The following MGAT4C variants were observed in gnomAD, a reference collection of about 807,000 sequenced individuals.
MGAT4C encodes MGAT4 family member C.
Under a neutral mutation model 40.1 loss-of-function variants are expected in MGAT4C, and 19 were observed. The observed-to-expected ratio is 0.47, with a 90% CI of 0.33 to 0.70. MGAT4C has a LOEUF of 0.70. Among genes scored for constraint, MGAT4C ranks in the 30% least tolerant of loss-of-function variants. MGAT4C has a pLI of 0.02. For missense variants in MGAT4C, 491 were observed against 563.2 expected, an observed-to-expected ratio of 0.87 and a Z score of 1.30; for synonymous variants, 181 against 187.1, an observed-to-expected ratio of 0.97 and a Z score of 0.27.
intron 2 of MGAT4C, among the ~76,000 whole-genome samples, chr12:86,591,779 C>T (rs1214600747): frequency 6.6e-6 from 1 of 151,510 alleles, no homozygotes; most frequent in Non-Finnish European, 1.5e-5. Flanking sequence ...TATATAAAAG[C>T]ATTAATTATT....
intron 4 of MGAT4C, among the ~76,000 whole-genome samples, chr12:86,289,607 T>C (rs577127696): frequency 9.8e-5 from 15 of 152,290 alleles, no homozygotes; most frequent in African/African-American, 3.4e-4. Context: ...ATTCTCCTTG[T>C]AGAGATCATT....
intron 2 of MGAT4C, among the ~76,000 whole-genome samples, chr12:86,659,367 G>C (rs1963926351): frequency 6.6e-6 from 1 of 152,026 alleles, no homozygotes; most frequent in Non-Finnish European, 1.5e-5. Context: ...AGAGATACAA[G>C]CTGCTGAATT....
intron 3 of MGAT4C, among the ~76,000 whole-genome samples, chr12:86,392,982 C>T (rs1407102539): frequency 6.6e-6 from 1 of 152,054 alleles, no homozygotes; most frequent in Non-Finnish European, 1.5e-5. Context: ...ACTAAGAAAA[C>T]AATTTGCATC....
intron 3 of MGAT4C, among the ~76,000 whole-genome samples, chr12:86,339,678 T>C (rs1250567349): frequency 6.7e-6 from 1 of 150,356 alleles, no homozygotes; most frequent in African/African-American, 2.4e-5. Context: ...TTCAAACTAT[T>C]TATCTTAGCC....
intron 1 of MGAT4C, among the ~76,000 whole-genome samples, chr12:86,165,830 CG>C (rs1593121611): frequency 6.6e-6 from 1 of 151,928 alleles, no homozygotes; most frequent in Non-Finnish European, 1.5e-5. Flanking sequence ...ATTAATAAAA[CG>C]GGTAGCTTCA....
intron 2 of MGAT4C, among the ~76,000 whole-genome samples, chr12:86,494,575 G>T (rs1958203832): frequency 6.6e-6 from 1 of 151,162 alleles, no homozygotes; most frequent in African/African-American, 2.4e-5. Context: ...ATGATAGAAA[G>T]CATTGTATAA....
In MGAT4C at chr12:86,003,937, A is replaced by G. The variant is rs1887609817; in HGVS notation, c.-6-14385T>C. 2.6e-5 allele frequency among the ~76,000 whole-genome samples: 4 copies of G among 152,084 alleles called. No individual in the cohort carries two copies. The South Asian group carries it at 8.3e-4, about 31-fold the overall frequency. ...TTGTGTCTTATCAAGACAGTTTTCT[A>G]TGTTTATGTTAACCTTTACCATTGG... On this transcript the variant is annotated intron_variant, in intron 2 of 4. Transcript: ENST00000611864.
chr12:86,448,933 C>T (rs1957381291), intron 2 of MGAT4C, among the ~76,000 whole-genome samples: 1 of 152,082 alleles, frequency 6.6e-6, no homozygotes, highest in Non-Finnish European at 1.5e-5. Flanking sequence ...ACTCAAATAG[C>T]TAGGCTTCAG....
rs370542505 is a variant in MGAT4C, at chr12:86,438,737, C to T, written c.-228-3472G>A. ...TGCTGTCTTCAAGACACACACCTAACCATGTAAGGATTCCTATAGACTCAA... is the reference window on the plus strand; with the variant it reads ...TGCTGTCTTCAAGACACACACCTAATCATGTAAGGATTCCTATAGACTCAA... On this transcript the variant is annotated intron_variant, in intron 2 of 7. Transcript: ENST00000548651. Among the ~76,000 whole-genome samples the T allele has an allele frequency of 8.6e-5, 13 of 151,738 alleles. No homozygotes were observed. The East Asian group carries it at 2.3e-3, about 27-fold the overall frequency.
At chr12:86,534,119 C>G (rs1253159351) in intron 2 of MGAT4C, among the ~76,000 whole-genome samples, 1 of 152,032 alleles carries the variant, frequency 6.6e-6, no homozygotes, top group Non-Finnish European at 1.5e-5. Flanking sequence ...CTTTCAGGTC[C>G]ATTCCTGATC....
chr12:86,773,428 A>G (rs1009265559), intron 1 of MGAT4C, among the ~76,000 whole-genome samples: 2 of 152,158 alleles, frequency 1.3e-5, no homozygotes, highest in African/African-American at 4.8e-5. Flanking sequence ...CAAAAATGTG[A>G]GAAAATAAAT....
Position 86,322,231 on chromosome 12 carries a change from G to A in MGAT4C, c.-57+11834C>T, listed in dbSNP as rs556202304. ...CACACTGGGGCCTGTCGTGGGGTGG[G>A]GGGAGGGGGGAGGGAGAGCATTAGG... On this transcript the variant is annotated intron_variant, in intron 4 of 7. Coordinates refer to the MGAT4C transcript ENST00000548651. Among the ~76,000 whole-genome samples the A allele has an allele frequency of 2.6e-5, 3 of 115,054 alleles. No individual in the cohort carries two copies. In the South Asian group the frequency reaches 1.1e-3, roughly 43 times the overall value. 75.5% of individuals were successfully genotyped at this position (115,054 alleles called of 152,430 possible). A position where few individuals can be genotyped will look rare whatever the true frequency, so the allele number is the denominator to read the frequency against.
At chr12:86,791,781 T>A (rs1415254587) in intron 1 of MGAT4C, among the ~76,000 whole-genome samples, 1 of 152,108 alleles carries the variant, frequency 6.6e-6, no homozygotes. Flanking sequence ...TTTTACAGAG[T>A]GCTCTGAGGA....
intron 1 of MGAT4C, among the ~76,000 whole-genome samples, chr12:86,736,338 C>A (rs919990829): frequency 6.6e-6 from 1 of 151,790 alleles, no homozygotes; most frequent in Non-Finnish European, 1.5e-5. Context: ...CTCCAAGAAT[C>A]TTTTGAAGCC....
At chr12:86,329,969 C>T (rs894523840) in intron 4 of MGAT4C, among the ~76,000 whole-genome samples, 2 of 152,080 alleles carry the variant, frequency 1.3e-5, no homozygotes, top group African/African-American at 4.8e-5. Flanking sequence ...CAAAAGATAT[C>T]CACAGAAAAT....
intron 2 of MGAT4C, among the ~76,000 whole-genome samples, chr12:86,436,400 T>A (rs1957137734): frequency 6.6e-6 from 1 of 151,844 alleles, no homozygotes; most frequent in African/African-American, 2.4e-5. Flanking sequence ...ATTAATCTTC[T>A]AATTATGTTA....
intron 2 of MGAT4C, among the ~76,000 whole-genome samples, chr12:86,001,171 T>G (rs988073127): frequency 2.0e-5 from 3 of 152,174 alleles, no homozygotes; most frequent in Admixed American, 6.5e-5. Context: ...CACCCTGACC[T>G]GCCATCAGTA....
At chr12:86,026,800 CTTAG>C (rs1254940901) in intron 2 of MGAT4C, among the ~76,000 whole-genome samples, 1 of 151,834 alleles carries the variant, frequency 6.6e-6, no homozygotes, top group East Asian at 1.9e-4. Flanking sequence ...CTGTTGACAG[CTTAG>C]TTAAATGAGC....
chr12:86,799,936 T>G (rs542783126), intron 1 of MGAT4C, among the ~76,000 whole-genome samples: 1 of 152,018 alleles, frequency 6.6e-6, no homozygotes, highest in Non-Finnish European at 1.5e-5. Context: ...ATAATTGTTT[T>G]ATGTTAGGCA....
Sources: allele counts gnomAD v4.1 joint callset (sites outside exome capture counted in the v4.1 genomes callset), GRCh38; gene constraint gnomAD v4.1.1; transcripts MANE v1.5; gene names NCBI Gene and HGNC (gene_info 2026-07-23, HGNC 2026-07-21).